The following PAIP2B variants were observed in gnomAD, a reference collection of about 807,000 sequenced individuals.
PAIP2B encodes the protein polyadenylate-binding protein-interacting protein 2B.
In PAIP2B, 13 loss-of-function variants were observed where a neutral mutation model predicts 17.0. That is an observed-to-expected ratio of 0.76 (90% CI 0.50 to 1.22). The LOEUF is 1.22. Ranked by LOEUF, PAIP2B falls within the 50% of genes most tolerant of loss-of-function variation. The probability of loss-of-function intolerance (pLI) is 0.00; values close to 1 mark genes in which losing one functional copy is unlikely to be tolerated. For missense variants in PAIP2B, 117 were observed against 144.5 expected (o/e 0.81, Z 0.98); for synonymous variants, 43 against 48.7 (o/e 0.88, Z 0.48).
intron 1 of PAIP2B, among the ~76,000 whole-genome samples, chr2:71,207,091 G>A (rs1192975395): frequency 6.6e-6 from 1 of 152,136 alleles, no homozygotes; most frequent in African/African-American, 2.4e-5. Context: ...CACAGCCCTT[G>A]CCCTGGTGAT....
chr2:71,202,227 T>C (rs1184631619), intron 2 of PAIP2B, among the ~76,000 whole-genome samples: 1 of 152,226 alleles, frequency 6.6e-6, no homozygotes, highest in Non-Finnish European at 1.5e-5. Context: ...TTAATCAACA[T>C]GGTAAGAAAA....
rs1674438249 is a variant in PAIP2B at position 71,182,936 on chromosome 2, A to G, written c.*5543T>C. The G allele has an allele frequency of 8.0e-6, 1 of 124,658 alleles. No homozygotes were observed. The highest frequency in any genetic ancestry group is 8.5e-5 in the Admixed American group (1 of 11,812). The allele number at this position is 124,658 out of a possible 1,614,324, so 7.7% of individuals were successfully genotyped here. ...GGAAAAAAAGCAAAAACAGCTTTAT[A>G]AACACTTGTGAAACAGGGGTAAGTG... On this transcript the variant is annotated 3_prime_UTR_variant, in exon 4 of 4. Coordinates refer to ENST00000244221, the MANE Select transcript of PAIP2B (RefSeq NM_020459.1).
chr2:71,214,585 T>C (rs1479410450), intron 1 of PAIP2B, among the ~76,000 whole-genome samples: 2 of 152,218 alleles, frequency 1.3e-5, no homozygotes, highest in African/African-American at 4.8e-5. Context: ...CCAAGAATTT[T>C]TCATATGTTT....
chr2:71,202,716 A>G (rs1381872400), intron 1 of PAIP2B, 116 bp from the exon 2 acceptor site: 23 of 861,188 alleles, frequency 2.7e-5, no homozygotes, highest in Non-Finnish European at 2.5e-5. Flanking sequence ...GATTTTAACT[A>G]TAGATAAACA....
At chr2:71,206,904 T>C (rs1675142625) in intron 1 of PAIP2B, among the ~76,000 whole-genome samples, 1 of 152,360 alleles carries the variant, frequency 6.6e-6, no homozygotes. Flanking sequence ...AAAGTAAATA[T>C]GGTGGATGAC....
intron 1 of PAIP2B, among the ~76,000 whole-genome samples, chr2:71,216,126 C>T (rs1244350139): frequency 6.6e-6 from 1 of 152,186 alleles, no homozygotes; most frequent in East Asian, 1.9e-4. Context: ...TATTCTCCTA[C>T]ATTACTGTTT....
rs35659531 is a variant in PAIP2B, at chr2:71,198,285, A to ATT, written c.138+4165_138+4166dup. ...AGGTGCCTGCCACCAGGCCCAGCTA[A>ATT]TTTTTTTTTTTTTTTTTTGAGACAG... On this transcript the variant is annotated intron_variant, in intron 2 of 3. Transcript: ENST00000244221. 3.1e-5 allele frequency among the ~76,000 whole-genome samples: 4 copies of ATT among 130,444 alleles called. 1 individual carries two copies. Among genetic ancestry groups the ATT allele is most frequent in the Non-Finnish European group, 4.9e-5 (3 of 60,822 alleles). The allele number at this position is 130,444 out of a possible 152,430, so 85.6% of individuals were successfully genotyped here.
At chr2:71,202,425 C>A in intron 2 of PAIP2B, 27 bp downstream of exon 2, 2 of 1,607,566 alleles carry the variant, frequency 1.2e-6, no homozygotes, top group Non-Finnish European at 1.7e-6. Flanking sequence ...TATCATCAAT[C>A]TTCCACTTTT....
In PAIP2B at chr2:71,186,702, C is replaced by G. The variant is rs909090067; in HGVS notation, c.*1777G>C. On this transcript the variant is annotated 3_prime_UTR_variant, in exon 4 of 4. Coordinates refer to ENST00000244221, the MANE Select transcript of PAIP2B (RefSeq NM_020459.1). ...GAAGTTTCTTTATTCATAGTCCTCT[C>G]TGAAAAAGAGTTAACAGTTTCATTC... 12 of 152,196 alleles carry G rather than the reference C, an allele frequency of 7.9e-5. No homozygotes were observed. The allele number at this position is 152,196 out of a possible 1,614,324, so 9.4% of individuals were successfully genotyped here.
chr2:71,200,674 C>T (rs896195015), intron 2 of PAIP2B, among the ~76,000 whole-genome samples: 4 of 152,232 alleles, frequency 2.6e-5, no homozygotes, highest in African/African-American at 9.6e-5. Context: ...ATGGTTTGAG[C>T]CTGGACTGTG....
intron 1 of PAIP2B, among the ~76,000 whole-genome samples, chr2:71,219,739 T>A (rs6742950): frequency 0.92 from 140,124 of 152,274 alleles, 64,554 homozygotes; most frequent in African/African-American, 0.94. Context: ...AGTTCAAAAA[T>A]ATTTAAAATA....
intron 1 of PAIP2B, among the ~76,000 whole-genome samples, chr2:71,211,267 A>G (rs1572934037): frequency 6.6e-6 from 1 of 152,196 alleles, no homozygotes; most frequent in Non-Finnish European, 1.5e-5. Flanking sequence ...TCAAAAAAAA[A>G]AAAAGACTGC....
intron 2 of PAIP2B, among the ~76,000 whole-genome samples, chr2:71,202,156 A>G (rs910585838): frequency 3.3e-5 from 5 of 152,214 alleles, no homozygotes; most frequent in Non-Finnish European, 7.3e-5. Context: ...TTGGTTAAAC[A>G]TGGGCTCTCA....
chr2:71,200,083 G>A (rs1452092117), intron 2 of PAIP2B, among the ~76,000 whole-genome samples: 2 of 152,070 alleles, frequency 1.3e-5, no homozygotes, highest in South Asian at 2.1e-4. Flanking sequence ...ATGTCACTCC[G>A]AGTTTGGGGG....
chr2:71,208,647 GA>G (rs1675201807), intron 1 of PAIP2B, among the ~76,000 whole-genome samples: 1 of 152,104 alleles, frequency 6.6e-6, no homozygotes, highest in Non-Finnish European at 1.5e-5. Flanking sequence ...ACCTTATTTG[GA>G]AAAAAGGGTG....
intron 1 of PAIP2B, among the ~76,000 whole-genome samples, chr2:71,225,031 A>C (rs1675684486): frequency 6.6e-6 from 1 of 152,178 alleles, no homozygotes; most frequent in South Asian, 2.1e-4. Context: ...CAGTTTTAAG[A>C]TCTTACTCTT....
At chr2:71,192,262 ATTTT>A (rs56380844) in intron 2 of PAIP2B, among the ~76,000 whole-genome samples, 4 of 142,252 alleles carry the variant, frequency 2.8e-5, no homozygotes, top group Non-Finnish European at 3.1e-5. Context: ...TAGATACTGC[ATTTT>A]TTTTTTTTTT....
At chr2:71,208,733 T>A (rs1675210549) in intron 1 of PAIP2B, among the ~76,000 whole-genome samples, 2 of 151,974 alleles carry the variant, frequency 1.3e-5, no homozygotes, top group South Asian at 4.2e-4. Context: ...AATTCAATGA[T>A]AGGTATATAA....
At position 71,187,549 on chromosome 2, in the gene PAIP2B, G is replaced by C. The variant is rs1034224863; in HGVS notation, c.*930C>G. 1 of 152,132 alleles carries C rather than the reference G, an allele frequency of 6.6e-6. No homozygotes were observed. Among genetic ancestry groups the C allele is most frequent in the Admixed American group, 6.5e-5 (1 of 15,280 alleles). The allele number at this position is 152,132 out of a possible 1,614,324, so 9.4% of individuals were successfully genotyped here. A position where few individuals can be genotyped will look rare whatever the true frequency, so the allele number is the denominator to read the frequency against. On this transcript the variant is annotated 3_prime_UTR_variant, in exon 4 of 4. Transcript: ENST00000244221. ...ACCAGGAAGACCAAGTGTTGATGAG[G>C]CTGGAAAAAAAAACTGTCCAAATAA...
Sources: allele counts gnomAD v4.1 joint callset (sites outside exome capture counted in the v4.1 genomes callset), GRCh38; gene constraint gnomAD v4.1.1; transcripts MANE v1.5; gene names NCBI Gene and HGNC (gene_info 2026-07-23, HGNC 2026-07-21).